The following DCLRE1C variants were observed in gnomAD, a reference collection of about 807,000 sequenced individuals.
DCLRE1C encodes the protein protein artemis.
In DCLRE1C, 47 loss-of-function variants were observed where a neutral mutation model predicts 61.4. The observed-to-expected ratio is 0.77, with a 90% confidence interval of 0.61 to 0.98. DCLRE1C has a LOEUF of 0.98. Among genes scored for constraint, DCLRE1C ranks in the 50% least tolerant of loss-of-function variants. The pLI, the probability that DCLRE1C is intolerant of heterozygous loss-of-function variation, is 0.00. For synonymous variants in DCLRE1C, 337 were observed against 287.6 expected, an observed-to-expected ratio of 1.17 and a Z score of -1.74; for missense variants, 858 against 816.0, an observed-to-expected ratio of 1.05 and a Z score of -0.63.
chr10:14,911,905 A>G (rs967092428), intron 13 of DCLRE1C, among the ~76,000 whole-genome samples: 1 of 152,240 alleles, frequency 6.6e-6, no homozygotes, highest in Non-Finnish European at 1.5e-5. Flanking sequence ...ACCATACACT[A>G]GGATGGCTAT....
chr10:14,918,630 A>T (rs112903536), intron 13 of DCLRE1C, among the ~76,000 whole-genome samples: 4,138 of 121,002 alleles, frequency 0.034, 91 homozygotes, highest in East Asian at 0.087. Flanking sequence ...GCTGTTTTTT[A>T]AAAAAAAAAA....
downstream of DCLRE1C, chr10:14,902,749 C>T: frequency 3.2e-6 from 1 of 309,858 alleles, no homozygotes; most frequent in Non-Finnish European, 6.0e-6. Flanking sequence ...TAATGGAAGG[C>T]AGACTATTTA....
At position 14,923,030 on chromosome 10, in the gene DCLRE1C, ATG is replaced by A; in HGVS notation, c.1010_1011del (p.Ala337ValfsTer13). The stretch of plus-strand genomic sequence containing the variant: ...GTGCCAACTGGAATGACATTTGGAT[ATG>A]CGTTCACAGGACAGAGGTAGCTCAA... The part of the protein sequence containing the change: ...DFLSYLCPVN[A>X]YPNVIPVGTT... On this transcript the variant is annotated frameshift_variant, in exon 12 of 14. Transcript: ENST00000378278. LOFTEE classifies it high-confidence loss of function. The A allele has an allele frequency of 6.2e-7, 1 of 1,614,180 alleles. No homozygotes were observed. Among genetic ancestry groups the A allele is most frequent in the Non-Finnish European group, 8.5e-7 (1 of 1,179,974 alleles).
At chr10:14,951,321 T>C (rs1842417361) in intron 1 of DCLRE1C, among the ~76,000 whole-genome samples, 2 of 129,228 alleles carry the variant, frequency 1.5e-5, no homozygotes, top group Non-Finnish European at 3.1e-5. Flanking sequence ...GTCCAGGAGG[T>C]GAAGGCTGCA....
chr10:14,907,581 C>T lies in DCLRE1C; in HGVS notation c.*827G>A, dbSNP rs546395005. ...GTTCTAGCTTCATAAATTTTTGGAG[C>T]TGTTAGGTGCATATACGTTTAGGAT... On this transcript the variant is annotated 3_prime_UTR_variant, in exon 14 of 14. Transcript: ENST00000378278. 6.6e-6 allele frequency among the ~76,000 whole-genome samples: 1 copy of T among 152,074 alleles called. No homozygotes were observed. Among genetic ancestry groups the T allele is most frequent in the East Asian group, 1.9e-4 (1 of 5,152 alleles).
intron 3 of DCLRE1C, 71 bp downstream of exon 3, chr10:14,945,034 T>C: frequency 8.2e-7 from 1 of 1,218,120 alleles, no homozygotes; most frequent in Non-Finnish European, 1.2e-6. Flanking sequence ...TGAGGCAAAG[T>C]TTTTGTCAAT....
At chr10:14,948,810 A>G (rs1210504682) in intron 2 of DCLRE1C, among the ~76,000 whole-genome samples, 2 of 151,234 alleles carry the variant, frequency 1.3e-5, no homozygotes, top group Admixed American at 6.6e-5. Context: ...CAAACAGCCA[A>G]AGCTAACCCA....
Position 14,920,378 on chromosome 10 carries a change from A to T in DCLRE1C, c.1062-546T>A. ...GAGAAATAAGATTTGAAGACGTCCTACCCCTTTCGAAGGCCTCACTGCCAA... is the reference window on the plus strand; with the variant it reads ...GAGAAATAAGATTTGAAGACGTCCTTCCCCTTTCGAAGGCCTCACTGCCAA... On this transcript the variant is annotated intron_variant, in intron 12 of 13. Coordinates refer to ENST00000378278, the MANE Select transcript of DCLRE1C (RefSeq NM_001033855.3). 1.4e-5 allele frequency: 14 copies of T among 1,016,220 alleles called. No homozygotes were observed. In the Admixed American group the frequency reaches 3.2e-4, roughly 23 times the overall value. The allele number at this position is 1,016,220 out of a possible 1,614,324, so 63.0% of individuals were successfully genotyped here. A position where few individuals can be genotyped will look rare whatever the true frequency, so the allele number is the denominator to read the frequency against.
At chr10:14,925,197 C>G (rs55807040) in intron 11 of DCLRE1C, among the ~76,000 whole-genome samples, 3 of 136,678 alleles carry the variant, frequency 2.2e-5, no homozygotes, top group African/African-American at 8.5e-5. Context: ...TGGTAGAAAT[C>G]TGAGACTTTT....
At position 14,936,530 on chromosome 10, in the gene DCLRE1C, C is replaced by G. The variant is rs1564446480; in HGVS notation, c.362+8G>C. The G allele has an allele frequency of 1.2e-6, 2 of 1,607,862 alleles. No homozygotes were observed. The highest frequency in any genetic ancestry group is 1.7e-5 in the Admixed American group (1 of 59,928). On this transcript the variant is annotated splice_region_variant and intron_variant, in intron 5 of 13. Transcript: ENST00000378278. ...ATAATAAAATGACAAAATAAATGAC[C>G]CCCTTACATAACTGATCCCGGACAG...
chr10:14,953,468 G>A (rs1842751000), intron 1 of DCLRE1C, among the ~76,000 whole-genome samples: 1 of 152,102 alleles, frequency 6.6e-6, no homozygotes, highest in African/African-American at 2.4e-5. Context: ...ACTTCGTGGA[G>A]CTCTTAGGCG....
rs189200873 is a variant in DCLRE1C, at chr10:14,939,466, G to T, written c.306+344C>A. On this transcript the variant is annotated intron_variant, in intron 4 of 13. Coordinates refer to ENST00000378278, the MANE Select transcript of DCLRE1C (RefSeq NM_001033855.3). ...CTCAAAAAAAAAAAAGAACCAGGAA[G>T]TGGGCCCTCACCAGACACGAAATCT... 8.0e-5 allele frequency among the ~76,000 whole-genome samples: 12 copies of T among 150,818 alleles called. No homozygotes were observed. In the South Asian group the frequency reaches 2.5e-3, roughly 32 times the overall value.
rs754654974 is a variant in DCLRE1C, at chr10:14,934,686, C to G, written c.537+17G>C. 5 of 1,613,314 alleles carry G rather than the reference C, an allele frequency of 3.1e-6. No individual in the cohort carries two copies. The highest frequency in any genetic ancestry group is 1.1e-5 in the South Asian group (1 of 91,042). ...GGCACACCCAGATGATAACCCTGTT[C>G]CTCCAGGCAGACTTACCCGACTTGG... is the stretch of plus-strand genomic sequence containing the variant. On this transcript the variant is annotated intron_variant, in intron 7 of 13. Coordinates refer to ENST00000378278, the MANE Select transcript of DCLRE1C (RefSeq NM_001033855.3).
At chr10:14,944,128 T>C (rs1841304956) in intron 3 of DCLRE1C, among the ~76,000 whole-genome samples, 1 of 152,172 alleles carries the variant, frequency 6.6e-6, no homozygotes, top group Admixed American at 6.5e-5. Flanking sequence ...TCCCACAATT[T>C]AAATAAAAGG....
chr10:14,903,769 A>T (rs575858982), downstream of DCLRE1C: 2 of 152,218 alleles, frequency 1.3e-5, no homozygotes, highest in Admixed American at 6.5e-5. Flanking sequence ...AAATGCAGCA[A>T]ATCTAGCTTT....
intron 12 of DCLRE1C, among the ~76,000 whole-genome samples, chr10:14,922,303 T>G (rs1168905116): frequency 6.6e-6 from 1 of 152,044 alleles, no homozygotes; most frequent in South Asian, 2.1e-4. Context: ...TAGCCGGGCA[T>G]GATGGCATGC....
chr10:14,940,572 G>A (rs11259400), intron 3 of DCLRE1C, among the ~76,000 whole-genome samples: 3,011 of 152,158 alleles, frequency 0.02, 68 homozygotes, highest in African/African-American at 0.063. Context: ...ACAGGCGTGA[G>A]CCACCACACC....
chr10:14,913,049 G>A (rs1835543580), intron 13 of DCLRE1C, among the ~76,000 whole-genome samples: 1 of 151,280 alleles, frequency 6.6e-6, no homozygotes, highest in Admixed American at 6.6e-5. Context: ...TAGAGACGGG[G>A]TTTCACCGTG....
In DCLRE1C at chr10:14,949,116, A is replaced by T. The variant is rs760418325; in HGVS notation, c.110-29T>A. 10 of 1,527,920 alleles carry T rather than the reference A, an allele frequency of 6.5e-6. No homozygotes were observed. The South Asian group carries it at 9.0e-5, about 14-fold the overall frequency. 94.6% of individuals were successfully genotyped at this position (1,527,920 alleles called of 1,614,324 possible). A position where few individuals can be genotyped will look rare whatever the true frequency, so the allele number is the denominator to read the frequency against. On this transcript the variant is annotated intron_variant, in intron 1 of 13. Coordinates refer to ENST00000378278, the MANE Select transcript of DCLRE1C (RefSeq NM_001033855.3). ...AAAACAAAAGAACAAAAACTCATGA[A>T]TATGTTTTTCCAGAGGATTCCTTAG...
Sources: allele counts gnomAD v4.1 joint callset (sites outside exome capture counted in the v4.1 genomes callset), GRCh38; gene constraint gnomAD v4.1.1; transcripts MANE v1.5; gene names NCBI Gene and HGNC (gene_info 2026-07-23, HGNC 2026-07-21).